The following CNTNAP2 variants were observed in gnomAD, a reference collection of about 807,000 sequenced individuals.
CNTNAP2 encodes contactin associated protein 2, also known as contactin-associated protein-like 2.
In CNTNAP2, 98 loss-of-function variants were observed where a neutral mutation model predicts 155.2. That is an observed-to-expected ratio of 0.63 (90% CI 0.54 to 0.75). The LOEUF (loss-of-function observed/expected upper bound fraction) is 0.75. Among genes scored for constraint, CNTNAP2 ranks in the 30% least tolerant of loss-of-function variants. The pLI, the probability that CNTNAP2 is intolerant of heterozygous loss-of-function variation, is 0.00. For missense variants in CNTNAP2, 1,727 were observed against 1,688.1 expected (o/e 1.02, Z -0.40); for synonymous variants, 651 against 631.2 (o/e 1.03, Z -0.47).
intron 1 of CNTNAP2, among the ~76,000 whole-genome samples, chr7:146,353,049 C>T (rs949585856): frequency 2.0e-5 from 3 of 152,048 alleles, no homozygotes; most frequent in Admixed American, 6.6e-5. Flanking sequence ...CCACCGCGCC[C>T]GGCCAGGGGA....
At chr7:147,696,338 C>A (rs1406765111) in intron 13 of CNTNAP2, among the ~76,000 whole-genome samples, 2 of 152,074 alleles carry the variant, frequency 1.3e-5, no homozygotes, top group Non-Finnish European at 2.9e-5. Context: ...CTTAGTGTCT[C>A]AATTATACTT....
At chr7:147,100,149 G>A (rs1800625538) in intron 4 of CNTNAP2, among the ~76,000 whole-genome samples, 1 of 152,066 alleles carries the variant, frequency 6.6e-6, no homozygotes. Context: ...GGGGGTGTAT[G>A]TGTGTGTGAA....
At chr7:148,246,985 T>TTG (rs1277513681) in intron 20 of CNTNAP2, among the ~76,000 whole-genome samples, 1 of 152,200 alleles carries the variant, frequency 6.6e-6, no homozygotes, top group African/African-American at 2.4e-5. Flanking sequence ...ACAAACCTCT[T>TTG]TGTGTGTGCC....
rs184005782 is a variant in CNTNAP2 at position 146,901,942 on chromosome 7, C to A, written c.402+62038C>A. ...CCAGGCTGGAGTGCAGTGGTGCGAT[C>A]TCGGCTCACTGCAAGCTCCGCCTCC... On this transcript the variant is annotated intron_variant, in intron 3 of 23. Coordinates refer to ENST00000361727, the MANE Select transcript of CNTNAP2 (RefSeq NM_014141.6). Among the ~76,000 whole-genome samples, 795 of 131,514 alleles carry A rather than the reference C, an allele frequency of 6.0e-3. 6 individuals carry two copies. Among genetic ancestry groups the A allele is most frequent in the African/African-American group, 0.022 (770 of 35,178 alleles). The allele number at this position is 131,514 out of a possible 152,430, so 86.3% of individuals were successfully genotyped here. A position where few individuals can be genotyped will look rare whatever the true frequency, so the allele number is the denominator to read the frequency against.
At chr7:147,693,125 A>C (rs988057159) in intron 13 of CNTNAP2, among the ~76,000 whole-genome samples, 3 of 151,992 alleles carry the variant, frequency 2.0e-5, no homozygotes, top group Non-Finnish European at 4.4e-5. Flanking sequence ...TCTTTTCTTC[A>C]TTTTAGTTCC....
chr7:146,486,385 A>G (rs1322581255), intron 1 of CNTNAP2, among the ~76,000 whole-genome samples: 2 of 152,122 alleles, frequency 1.3e-5, no homozygotes, highest in African/African-American at 2.4e-5. Flanking sequence ...CTTAAACAAG[A>G]TAAAAATCTG....
chr7:146,676,976 A>G (rs527964779), intron 1 of CNTNAP2, among the ~76,000 whole-genome samples: 6 of 152,320 alleles, frequency 3.9e-5, no homozygotes, highest in South Asian at 2.1e-4. Flanking sequence ...ACAAGTCTCA[A>G]TCAATTTAGA....
intron 4 of CNTNAP2, among the ~76,000 whole-genome samples, chr7:147,065,626 T>C (rs2129263847): frequency 6.6e-6 from 1 of 152,330 alleles, no homozygotes; most frequent in East Asian, 1.9e-4. Context: ...ACTTATATGT[T>C]CAGTTTCCCT....
chr7:148,177,926 G>A (rs1300904359), intron 18 of CNTNAP2, among the ~76,000 whole-genome samples: 2 of 147,908 alleles, frequency 1.4e-5, no homozygotes, highest in South Asian at 2.1e-4. Context: ...CTAGGTGTAA[G>A]GTTTATTCAT....
intron 11 of CNTNAP2, among the ~76,000 whole-genome samples, chr7:147,545,919 T>C (rs917052426): frequency 6.6e-6 from 1 of 152,100 alleles, no homozygotes; most frequent in African/African-American, 2.4e-5. Context: ...GTCTCCAAGA[T>C]CTGATGGTTT....
intron 1 of CNTNAP2, among the ~76,000 whole-genome samples, chr7:146,289,264 G>A (rs1259995207): frequency 1.3e-5 from 2 of 152,088 alleles, no homozygotes; most frequent in African/African-American, 4.8e-5. Context: ...AGTTAAGAAG[G>A]CATATTTTAT....
chr7:148,383,207 T>TTTTAAAG (rs1554427395), intron 21 of CNTNAP2, among the ~76,000 whole-genome samples: 1 of 148,092 alleles, frequency 6.8e-6, no homozygotes, highest in African/African-American at 2.6e-5. Context: ...TTTTTTTTTT[T>TTTTAAAG]AAAGAATTCT....
chr7:147,663,579 GCTAAAA>G (rs1387107434), intron 13 of CNTNAP2, among the ~76,000 whole-genome samples: 1 of 152,174 alleles, frequency 6.6e-6, no homozygotes, highest in East Asian at 1.9e-4. Context: ...CATCTTACTT[GCTAAAA>G]GCAACGTGGC....
intron 1 of CNTNAP2, among the ~76,000 whole-genome samples, chr7:146,751,050 A>G (rs900703696): frequency 6.6e-6 from 1 of 152,174 alleles, no homozygotes; most frequent in Non-Finnish European, 1.5e-5. Context: ...AAATCCAACA[A>G]TAATTTATAA....
chr7:146,250,464 G>A (rs377401825), intron 1 of CNTNAP2, among the ~76,000 whole-genome samples: 1 of 152,142 alleles, frequency 6.6e-6, no homozygotes, highest in African/African-American at 2.4e-5. Context: ...GACTTGTTAC[G>A]ACAAACCTGT....
intron 1 of CNTNAP2, among the ~76,000 whole-genome samples, chr7:146,490,313 A>G: frequency 6.6e-6 from 1 of 152,234 alleles, no homozygotes; most frequent in East Asian, 1.9e-4. Context: ...GTCTATCCTC[A>G]TGAAGCTTAT....
intron 15 of CNTNAP2, among the ~76,000 whole-genome samples, chr7:148,083,788 T>C (rs558153711): frequency 6.6e-6 from 1 of 152,290 alleles, no homozygotes; most frequent in South Asian, 2.1e-4. Flanking sequence ...CAGAAAGAAA[T>C]ACAATTACTT....
Position 148,346,067 on chromosome 7 carries a change from G to A in CNTNAP2, c.3476-37582G>A, listed in dbSNP as rs955513817. On this transcript the variant is annotated intron_variant, in intron 21 of 23. Transcript: ENST00000361727. Reference sequence around the variant, plus strand: ...ACTTGGCACTTGGCACACCCCCTGAGCGCCAGTGTCACCCTCTGCGTTGTG... The same window carrying A: ...ACTTGGCACTTGGCACACCCCCTGAACGCCAGTGTCACCCTCTGCGTTGTG... Among the ~76,000 whole-genome samples the A allele has an allele frequency of 1.3e-5, 2 of 152,082 alleles. 1 individual carries two copies. Among genetic ancestry groups the A allele is most frequent in the Non-Finnish European group, 2.9e-5 (2 of 68,030 alleles).
At chr7:147,254,423 C>G (rs1214362051) in intron 8 of CNTNAP2, among the ~76,000 whole-genome samples, 2 of 152,230 alleles carry the variant, frequency 1.3e-5, no homozygotes, top group African/African-American at 4.8e-5. Flanking sequence ...ATAAAATTCT[C>G]TATAACCAAT....
Sources: gnomAD v4.1 joint callset for allele counts (sites outside exome capture counted in the v4.1 genomes callset) on GRCh38, gnomAD v4.1.1 for gene constraint, MANE v1.5 for transcripts, NCBI Gene and HGNC (gene_info 2026-07-23, HGNC 2026-07-21) for gene names.